MCF2L: variants seen among roughly 807,000 people sequenced by gnomAD.
MCF2L encodes the protein guanine nucleotide exchange factor DBS.
Under a neutral mutation model 153.4 loss-of-function variants are expected in MCF2L, and 97 were observed. The ratio of observed to expected loss-of-function variants is 0.63; its 90% confidence interval spans 0.54 to 0.75. The LOEUF (loss-of-function observed/expected upper bound fraction) is 0.75, where lower values mean the gene tolerates loss of function less well. Ranked by LOEUF, MCF2L falls within the 30% of genes least tolerant of loss-of-function variation. The pLI is 0.00. For missense variants in MCF2L, 1,347 were observed against 1,495.2 expected, an observed-to-expected ratio of 0.90 and a Z score of 1.64; for synonymous variants, 659 against 632.2, an observed-to-expected ratio of 1.04 and a Z score of -0.64.
intron 1 of MCF2L, chr13:112,894,476 AG>A (rs958013650): frequency 2.0e-5 from 3 of 149,950 alleles, no homozygotes; most frequent in Non-Finnish European, 4.5e-5. Flanking sequence ...GGGTGACGGG[AG>A]GGGGCGCGGG....
chr13:113,036,473 C>T lies in MCF2L; in HGVS notation c.279-8798C>T, dbSNP rs537614879. Among the ~76,000 whole-genome samples, 7 of 152,312 alleles carry T rather than the reference C, an allele frequency of 4.6e-5. No homozygotes were observed. The East Asian group carries it at 7.7e-4, about 17-fold the overall frequency. On this transcript the variant is annotated intron_variant, in intron 3 of 29. Coordinates refer to ENST00000535094, the MANE Select transcript of MCF2L (RefSeq NM_001112732.3). ...CTACGAGCTTTGCGTGAGATGCCAG[C>T]TGCCCACAGGCAACTGGGCACAGAG...
Position 112,984,267 on chromosome 13 carries a change from G to A in MCF2L, c.79+14809G>A, listed in dbSNP as rs192583118. ...TTTTTTTTTTTTGAGATGGAGTCTC[G>A]CTCTGTCACCCAGGCTGGAGTGCAA... On this transcript the variant is annotated intron_variant, in intron 1 of 29. Coordinates refer to ENST00000535094, the MANE Select transcript of MCF2L (RefSeq NM_001112732.3). 5.6e-3 allele frequency among the ~76,000 whole-genome samples: 836 copies of A among 150,546 alleles called. 10 individuals are homozygous for A. The highest frequency in any genetic ancestry group is 9.9e-3 in the Non-Finnish European group (670 of 67,788).
chr13:113,076,916 G>A (rs756063749), intron 12 of MCF2L, 136 bp from the exon 13 acceptor site: 104 of 968,402 alleles, frequency 1.1e-4, no homozygotes, highest in Middle Eastern at 2.4e-4. Flanking sequence ...ACACAGCTGC[G>A]CTGCGCTGAC....
chr13:113,001,639 G>A (rs1181110014), intron 1 of MCF2L: 1 of 1,280,786 alleles, frequency 7.8e-7, no homozygotes, highest in Non-Finnish European at 9.9e-7. Flanking sequence ...CCCTGGCCGG[G>A]GCTCAGCTGT....
intron 1 of MCF2L, among the ~76,000 whole-genome samples, chr13:112,989,165 G>A (rs112433461): frequency 1.2e-5 from 1 of 86,590 alleles, no homozygotes; most frequent in Non-Finnish European, 2.6e-5. Context: ...CCTGAGCAGG[G>A]GATGGAGCTA....
intron 1 of MCF2L, among the ~76,000 whole-genome samples, chr13:112,977,780 G>A (rs1360351429): frequency 6.6e-6 from 1 of 152,206 alleles, no homozygotes; most frequent in African/African-American, 2.4e-5. Flanking sequence ...AAGCCTGTCT[G>A]CGTCTGTCCT....
intron 1 of MCF2L, chr13:113,009,962 C>T (rs1389849495): frequency 1.3e-5 from 2 of 152,230 alleles, no homozygotes; most frequent in African/African-American, 4.8e-5. Context: ...GACTGTACCC[C>T]ATGGCCCCAG....
chr13:112,897,983 C>G (rs2081083747), intron 1 of MCF2L, among the ~76,000 whole-genome samples: 1 of 152,028 alleles, frequency 6.6e-6, no homozygotes, highest in South Asian at 2.1e-4. Context: ...CCAGCCCCAG[C>G]CCCGGCCCCG....
intron 2 of MCF2L, among the ~76,000 whole-genome samples, chr13:112,953,890 C>T (rs569555581): frequency 3.9e-5 from 6 of 152,196 alleles, no homozygotes; most frequent in South Asian, 2.1e-4. Flanking sequence ...TGTGGGCACT[C>T]GCTGCCTCAC....
Position 113,070,279 on chromosome 13 carries a change from C to T in MCF2L, c.996+106C>T. On this transcript the variant is annotated intron_variant, in intron 9 of 29. Transcript: ENST00000535094. This position sits in a 1 kb window ranked among gnomAD's most constrained non-coding sequence, Gnocchi z 5.6. ...GAGCTGAGCCGTGCCACCCAGTTGA[C>T]TTTGGCTTAATGCAGAAAAGTCTCC... is the stretch of plus-strand genomic sequence containing the variant. 1.4e-6 allele frequency: 1 copy of T among 703,782 alleles called. No homozygotes were observed. Among genetic ancestry groups the T allele is most frequent in the South Asian group, 2.2e-5 (1 of 44,924 alleles). 43.6% of individuals were successfully genotyped at this position (703,782 alleles called of 1,614,324 possible). A position where few individuals can be genotyped will look rare whatever the true frequency, so the allele number is the denominator to read the frequency against.
rs2140673839 is a variant in MCF2L, at chr13:112,943,126, A to G, written c.169+40755A>G. 6.6e-6 allele frequency among the ~76,000 whole-genome samples: 1 copy of G among 152,350 alleles called. No individual in the cohort carries two copies. Among genetic ancestry groups the G allele is most frequent in the East Asian group, 1.9e-4 (1 of 5,178 alleles). Reference sequence around the variant, plus strand: ...AACTTTGAGGTGAAGGCTGTCAGAAACAGCTGCGAGGAGCATCCAGCCTAG... The same window carrying G: ...AACTTTGAGGTGAAGGCTGTCAGAAGCAGCTGCGAGGAGCATCCAGCCTAG... On this transcript the variant is annotated intron_variant, in intron 2 of 29. Coordinates refer to the MCF2L transcript ENST00000375608. This position sits in a 1 kb window ranked among gnomAD's most constrained non-coding sequence, Gnocchi z 4.2.
In MCF2L at chr13:113,096,502, C is replaced by T; in HGVS notation, c.3188+19C>T. The T allele has an allele frequency of 1.9e-6, 3 of 1,580,350 alleles. No homozygotes were observed. The highest frequency in any genetic ancestry group is 2.3e-5 in the East Asian group (1 of 43,116). On this transcript the variant is annotated intron_variant, in intron 28 of 29. Coordinates refer to ENST00000535094, the MANE Select transcript of MCF2L (RefSeq NM_001112732.3). ...GCCTCTGGTAAGACCCCGCGCTCAG[C>T]CCCGGACTGCCCCGCACGTGGCTGC...
Position 113,035,617 on chromosome 13 carries a change from C to T in MCF2L, c.279-9654C>T, listed in dbSNP as rs879780650. Among the ~76,000 whole-genome samples, 2 of 152,166 alleles carry T rather than the reference C, an allele frequency of 1.3e-5. No homozygotes were observed. Among genetic ancestry groups the T allele is most frequent in the African/African-American group, 2.4e-5 (1 of 41,428 alleles). On this transcript the variant is annotated intron_variant, in intron 3 of 29. Coordinates refer to ENST00000535094, the MANE Select transcript of MCF2L (RefSeq NM_001112732.3). This position sits in a 1 kb window ranked among gnomAD's most constrained non-coding sequence, Gnocchi z 4.4. ...GTTCCCGTGTCCCCCAGGACAGCTTCGTGGCCGGCCGCCTCCATGGATTCG... is the reference window on the plus strand; with the variant it reads ...GTTCCCGTGTCCCCCAGGACAGCTTTGTGGCCGGCCGCCTCCATGGATTCG...
chr13:113,032,817 A>C (rs976764803), intron 3 of MCF2L, among the ~76,000 whole-genome samples: 4 of 152,178 alleles, frequency 2.6e-5, no homozygotes, highest in African/African-American at 7.2e-5. Flanking sequence ...TGATCCACCC[A>C]CCTTGGCCTC....
intron 18 of MCF2L, among the ~76,000 whole-genome samples, 169 bp downstream of exon 18, chr13:113,084,236 C>T (rs543281208): frequency 1.3e-5 from 2 of 152,104 alleles, no homozygotes; most frequent in East Asian, 3.9e-4. Flanking sequence ...CCTCCTGAAC[C>T]CCCAGAACCT....
At chr13:112,942,385 T>C (rs539880272) in intron 2 of MCF2L, among the ~76,000 whole-genome samples, 60 of 152,300 alleles carry the variant, frequency 3.9e-4, no homozygotes, top group African/African-American at 1.3e-3. Flanking sequence ...TTACCTATCA[T>C]TGGAGATGGC....
At chr13:112,902,003 G>T (rs2081123948) in intron 1 of MCF2L, among the ~76,000 whole-genome samples, 1 of 152,234 alleles carries the variant, frequency 6.6e-6, no homozygotes, top group Admixed American at 6.5e-5. Flanking sequence ...ATAGAAGAAG[G>T]TTCCTTGTGT....
chr13:112,984,533 C>T (rs891960307), intron 1 of MCF2L, among the ~76,000 whole-genome samples: 4 of 151,902 alleles, frequency 2.6e-5, no homozygotes, highest in Non-Finnish European at 4.4e-5. Flanking sequence ...CCATTGCGCC[C>T]GGCCTAGAAA....
chr13:113,082,420 C>G lies in MCF2L; in HGVS notation c.1876-7C>G. 2 of 1,600,234 alleles carry G rather than the reference C, an allele frequency of 1.2e-6. No homozygotes were observed. The highest frequency in any genetic ancestry group is 1.3e-5 in the African/African-American group (1 of 74,792). On this transcript the variant is annotated splice_region_variant and splice_polypyrimidine_tract_variant and intron_variant, in intron 16 of 29. Coordinates refer to ENST00000535094, the MANE Select transcript of MCF2L (RefSeq NM_001112732.3). ...GACCCCCGCCGACCTCTGCGCTCTC[C>G]CTGCAGGGCTACGCCGCGGAGATGG...
Sources: allele counts gnomAD v4.1 joint callset (sites outside exome capture counted in the v4.1 genomes callset), GRCh38; gene constraint gnomAD v4.1.1; non-coding constraint Gnocchi (gnomAD v3.1); transcripts MANE v1.5; gene names NCBI Gene and HGNC (gene_info 2026-07-23, HGNC 2026-07-21).